CNTNAP5: variants seen among roughly 807,000 people sequenced by gnomAD.
CNTNAP5 encodes contactin associated protein family member 5.
In CNTNAP5, 72 loss-of-function variants were observed where a neutral mutation model predicts 150.2. The observed-to-expected ratio is 0.48, with a 90% confidence interval of 0.40 to 0.58. CNTNAP5 has a LOEUF of 0.58. Among genes scored for constraint, CNTNAP5 ranks in the 20% least tolerant of loss-of-function variants. The probability of loss-of-function intolerance (pLI) is 0.00; values close to 1 mark genes in which losing one functional copy is unlikely to be tolerated. For missense variants in CNTNAP5, 1,636 were observed against 1,626.2 expected (o/e 1.01, Z -0.10); for synonymous variants, 672 against 619.8 (o/e 1.08, Z -1.25).
chr2:124,505,936 A>G (rs550689730), intron 8 of CNTNAP5, among the ~76,000 whole-genome samples: 5 of 152,332 alleles, frequency 3.3e-5, no homozygotes, highest in Non-Finnish European at 7.3e-5. Flanking sequence ...TTATACTACA[A>G]TTTAATTTAG....
intron 19 of CNTNAP5, among the ~76,000 whole-genome samples, chr2:124,852,713 T>C (rs907083801): frequency 3.9e-5 from 6 of 152,116 alleles, no homozygotes; most frequent in Non-Finnish European, 5.9e-5. Flanking sequence ...TTCAGATGTG[T>C]TGTAGTTGTT....
chr2:124,873,858 C>T (rs73953210), intron 21 of CNTNAP5, among the ~76,000 whole-genome samples: 2,591 of 152,132 alleles, frequency 0.017, 62 homozygotes, highest in African/African-American at 0.055. Flanking sequence ...AATCTAGTGT[C>T]TCAGTTTTCT....
intron 11 of CNTNAP5, among the ~76,000 whole-genome samples, chr2:124,600,142 T>C (rs1348309112): frequency 6.6e-6 from 1 of 152,206 alleles, no homozygotes; most frequent in African/African-American, 2.4e-5. Context: ...ATTGCACATG[T>C]GTGTTTAACT....
At chr2:124,656,450 T>A (rs184090624) in intron 13 of CNTNAP5, among the ~76,000 whole-genome samples, 1 of 152,344 alleles carries the variant, frequency 6.6e-6, no homozygotes, top group Admixed American at 6.5e-5. Flanking sequence ...ATCAAGCCAG[T>A]GCAATTTACA....
At chr2:124,913,520 C>A (rs1172049088) in intron 23 of CNTNAP5, among the ~76,000 whole-genome samples, 1 of 152,124 alleles carries the variant, frequency 6.6e-6, no homozygotes, top group Admixed American at 6.6e-5. Context: ...ACTGAATGAG[C>A]CTTAGTTTAA....
intron 1 of CNTNAP5, among the ~76,000 whole-genome samples, chr2:124,091,251 T>A (rs1420781827): frequency 2.6e-5 from 4 of 152,100 alleles, no homozygotes; most frequent in African/African-American, 9.7e-5. Context: ...AAAGTGTGGT[T>A]TCAGTAAAAG....
intron 13 of CNTNAP5, among the ~76,000 whole-genome samples, chr2:124,713,511 G>A (rs1679882410): frequency 1.3e-5 from 2 of 151,214 alleles, no homozygotes; most frequent in Non-Finnish European, 1.5e-5. Flanking sequence ...CCTAGTAGTT[G>A]GGATTACAAG....
rs879307399 is a variant in CNTNAP5, at chr2:124,294,357, AT to A, written c.381+51976del. ...GTATTATAAAATAAGTAAAACAGGA[AT>A]TTTTTTTTTTTAATCCTCAGGCTGG... On this transcript the variant is annotated intron_variant, in intron 3 of 23. Coordinates refer to ENST00000682447, the MANE Select transcript of CNTNAP5 (RefSeq NM_001367498.1). Among the ~76,000 whole-genome samples, 589 of 148,402 alleles carry A rather than the reference AT, an allele frequency of 4.0e-3. 2 individuals are homozygous for A. The highest frequency in any genetic ancestry group is 0.012 in the African/African-American group (484 of 40,808).
In CNTNAP5 at chr2:124,911,512, T is replaced by C. The variant is rs1245291525; in HGVS notation, c.3701T>C (p.Val1234Ala). ...GAGCGGGAACCACTCACAAATGCTG[T>C]TCGAAGTGATTCGGCAGTCATCGGA... Reference protein sequence around the residue: ...TDEREPLTNAVRSDSAVIGGV... With the variant: ...TDEREPLTNAARSDSAVIGGV... The change falls in exon 23 of 24, where the codon GTT (valine) becomes GCT (alanine). Residue 1234 changes from valine (V) to alanine (A), a missense_variant. Transcript: ENST00000682447. 4.4e-6 allele frequency: 7 copies of C among 1,601,448 alleles called. No individual in the cohort carries two copies. In the East Asian group the frequency reaches 1.4e-4, roughly 31 times the overall value.
chr2:124,262,049 A>T (rs1362826519), intron 3 of CNTNAP5, among the ~76,000 whole-genome samples: 9 of 151,994 alleles, frequency 5.9e-5, no homozygotes. Flanking sequence ...TTGGAAACCT[A>T]TGGGCAACAT....
chr2:124,098,195 A>C (rs1682985066), intron 1 of CNTNAP5, among the ~76,000 whole-genome samples: 1 of 152,236 alleles, frequency 6.6e-6, no homozygotes, highest in South Asian at 2.1e-4. Flanking sequence ...CTTACAATAA[A>C]GAAGGTTACA....
intron 19 of CNTNAP5, among the ~76,000 whole-genome samples, chr2:124,814,701 A>G (rs909601288): frequency 2.0e-5 from 3 of 152,230 alleles, no homozygotes; most frequent in Non-Finnish European, 2.9e-5. Context: ...AAGAAATTAA[A>G]TTGGCTAACA....
chr2:124,046,776 T>G (rs1458848828), intron 1 of CNTNAP5, among the ~76,000 whole-genome samples: 1 of 152,186 alleles, frequency 6.6e-6, no homozygotes, highest in East Asian at 1.9e-4. Flanking sequence ...AAAAATGGTT[T>G]CATAATGACA....
rs150555512 is a variant in CNTNAP5, at chr2:124,328,141, A to ATT, written c.381+85758_381+85759dup. Among the ~76,000 whole-genome samples, 230 of 148,862 alleles carry ATT rather than the reference A, an allele frequency of 1.5e-3. 1 individual carries two copies. Among genetic ancestry groups the ATT allele is most frequent in the African/African-American group, 3.5e-3 (143 of 40,804 alleles). On this transcript the variant is annotated intron_variant, in intron 3 of 23. Transcript: ENST00000682447. Reference sequence around the variant, plus strand: ...ATGTTTAATTCAGGTCCTACAACACATTTTTTTTTTTGAAGGACAATGTAT... The same window carrying ATT: ...ATGTTTAATTCAGGTCCTACAACACATTTTTTTTTTTTTGAAGGACAATGTAT...
At chr2:124,363,384 C>A (rs142125207) in intron 3 of CNTNAP5, among the ~76,000 whole-genome samples, 19 of 152,228 alleles carry the variant, frequency 1.2e-4, no homozygotes, top group Middle Eastern at 3.4e-3. Context: ...GCAGACCAGC[C>A]CTCCTTCTTA....
intron 2 of CNTNAP5, among the ~76,000 whole-genome samples, chr2:124,233,376 G>A (rs1026904407): frequency 2.0e-5 from 3 of 152,066 alleles, no homozygotes; most frequent in East Asian, 1.9e-4. Flanking sequence ...AGAAATTCTG[G>A]CAGTAGAAAC....
intron 3 of CNTNAP5, among the ~76,000 whole-genome samples, chr2:124,256,774 C>T (rs1022839831): frequency 3.9e-5 from 6 of 152,146 alleles, no homozygotes; most frequent in Admixed American, 3.3e-4. Context: ...ATTAAACTCA[C>T]TTCTTTGGGT....
chr2:124,221,812 A>G lies in CNTNAP5; in HGVS notation c.187+3A>G. On this transcript the variant is annotated splice_donor_region_variant and intron_variant, in intron 2 of 23. Coordinates refer to ENST00000682447, the MANE Select transcript of CNTNAP5 (RefSeq NM_001367498.1). ...AGCTCAACTCAACTGGAGAGTTGGTAAGTAGGCTGACTGAAATCCTAATGC... is the reference window on the plus strand; with the variant it reads ...AGCTCAACTCAACTGGAGAGTTGGTGAGTAGGCTGACTGAAATCCTAATGC... The G allele has an allele frequency of 6.3e-7, 1 of 1,581,708 alleles. No individual in the cohort carries two copies. The highest frequency in any genetic ancestry group is 8.7e-7 in the Non-Finnish European group (1 of 1,155,270).
At position 124,063,467 on chromosome 2, in the gene CNTNAP5, C is replaced by A. The variant is rs191149923; in HGVS notation, c.82+37735C>A. Among the ~76,000 whole-genome samples the A allele has an allele frequency of 2.9e-3, 444 of 152,096 alleles. 3 individuals carry two copies. Among genetic ancestry groups the A allele is most frequent in the African/African-American group, 0.01 (416 of 41,502 alleles). ...TGAAACCTTCTCATGCTTAGGAATG[C>A]CAGCCATAAAATAAGAAGGTCTGGT... On this transcript the variant is annotated intron_variant, in intron 1 of 23. Transcript: ENST00000682447.
Sources: gnomAD v4.1 joint callset for allele counts (sites outside exome capture counted in the v4.1 genomes callset) on GRCh38, gnomAD v4.1.1 for gene constraint, MANE v1.5 for transcripts, NCBI Gene and HGNC (gene_info 2026-07-23, HGNC 2026-07-21) for gene names.